RANBP2: variants seen among roughly 807,000 people sequenced by gnomAD.
The protein encoded by RANBP2 is RAN binding protein 2.
A neutral mutation model predicts 303.6 loss-of-function variants in RANBP2; 57 were observed. The observed-to-expected ratio is 0.19, with a 90% CI of 0.15 to 0.23. The LOEUF is 0.23. Among genes scored for constraint, RANBP2 ranks in the 10% least tolerant of loss-of-function variants. The probability of loss-of-function intolerance (pLI) is 1.00; values close to 1 mark genes in which losing one functional copy is unlikely to be tolerated. For synonymous variants in RANBP2, 1,167 were observed against 1,301.5 expected, an observed-to-expected ratio of 0.90 and a Z score of 2.23; for missense variants, 3,138 against 3,780.8, an observed-to-expected ratio of 0.83 and a Z score of 4.46.
chr2:108,910,505 T>C, the RANBP2 span: 1 of 1,613,908 alleles, frequency 6.2e-7, no homozygotes, highest in Non-Finnish European at 8.5e-7. Context: ...CTCAAATTCA[T>C]CCTTCTCGGA....
chr2:109,633,134 G>A, the RANBP2 span, among the ~76,000 whole-genome samples: 1 of 152,014 alleles, frequency 6.6e-6, no homozygotes, highest in African/African-American at 2.4e-5. Context: ...GCTCACACCT[G>A]TAATCCCAGA....
the RANBP2 span, among the ~76,000 whole-genome samples, chr2:109,549,842 T>C: frequency 1.3e-5 from 2 of 152,138 alleles, no homozygotes; most frequent in African/African-American, 4.8e-5. Context: ...TAATAAAAGT[T>C]GTGTGAATGT....
chr2:108,888,425 A>G, the RANBP2 span, among the ~76,000 whole-genome samples: 1 of 152,038 alleles, frequency 6.6e-6, no homozygotes, highest in African/African-American at 2.4e-5. Flanking sequence ...ATTTTTTGGA[A>G]TAGTTTCAGG....
chr2:109,512,415 C>A, the RANBP2 span, among the ~76,000 whole-genome samples: 1 of 152,142 alleles, frequency 6.6e-6, no homozygotes, highest in African/African-American at 2.4e-5. Context: ...CCCTCCTGCC[C>A]CCTCCTGAGT....
At chr2:109,348,440 GCCAC>G in the RANBP2 span, among the ~76,000 whole-genome samples, 1 of 152,218 alleles carries the variant, frequency 6.6e-6, no homozygotes, top group Non-Finnish European at 1.5e-5. Context: ...CTGAGGCAGG[GCCAC>G]CCTGGTGCGT....
the RANBP2 span, among the ~76,000 whole-genome samples, chr2:109,355,444 T>G: frequency 6.6e-6 from 1 of 152,196 alleles, no homozygotes; most frequent in South Asian, 2.1e-4. Flanking sequence ...GTAAATAAAG[T>G]TTTATTGGTA....
the RANBP2 span, among the ~76,000 whole-genome samples, chr2:108,939,178 TTTG>T: frequency 0.015 from 2,266 of 152,006 alleles, 28 homozygotes; most frequent in South Asian, 0.03. Flanking sequence ...CATCCTTCCA[TTTG>T]TTGTTGTTGT....
chr2:109,215,510 G>A, the RANBP2 span, among the ~76,000 whole-genome samples: 1 of 152,124 alleles, frequency 6.6e-6, no homozygotes, highest in Non-Finnish European at 1.5e-5. Flanking sequence ...TCAGCAGTGT[G>A]TACTCGGAGT....
chr2:108,918,460 TGTA>T, the RANBP2 span, among the ~76,000 whole-genome samples: 1 of 152,242 alleles, frequency 6.6e-6, no homozygotes, highest in African/African-American at 2.4e-5. Context: ...CATCTCCCCT[TGTA>T]CACTTCCGTG....
At chr2:108,834,823 T>C in the RANBP2 span, among the ~76,000 whole-genome samples, 1 of 152,256 alleles carries the variant, frequency 6.6e-6, no homozygotes. Flanking sequence ...TTGCATATTC[T>C]AAGTATCTCA....
the RANBP2 span, among the ~76,000 whole-genome samples, chr2:109,268,870 A>G: frequency 6.6e-6 from 1 of 152,222 alleles, no homozygotes; most frequent in Non-Finnish European, 1.5e-5. Flanking sequence ...AATGAATTTC[A>G]GACCTAATGA....
At chr2:108,835,781 T>C in the RANBP2 span, among the ~76,000 whole-genome samples, 1 of 152,248 alleles carries the variant, frequency 6.6e-6, no homozygotes, top group Non-Finnish European at 1.5e-5. Context: ...CAATTGTCTC[T>C]GTTTTGTGCT....
chr2:109,486,758 G>T, the RANBP2 span, among the ~76,000 whole-genome samples: 3 of 152,294 alleles, frequency 2.0e-5, no homozygotes, highest in Non-Finnish European at 2.9e-5. Flanking sequence ...CAGGCTGAGG[G>T]CACTGGGTGG....
the RANBP2 span, among the ~76,000 whole-genome samples, chr2:109,566,773 G>A: frequency 6.6e-6 from 1 of 152,084 alleles, no homozygotes; most frequent in African/African-American, 2.4e-5. Flanking sequence ...AAAAGATTCT[G>A]AACAAAATGC....
the RANBP2 span, among the ~76,000 whole-genome samples, chr2:108,793,616 A>G: frequency 2.0e-5 from 3 of 149,086 alleles, no homozygotes; most frequent in Non-Finnish European, 3.0e-5. Context: ...TTTTTTTTTG[A>G]GATGGAGTCT....
the RANBP2 span, among the ~76,000 whole-genome samples, chr2:109,095,223 G>A: frequency 1.3e-5 from 2 of 152,174 alleles, no homozygotes; most frequent in African/African-American, 4.8e-5. Context: ...CTGATAGCCT[G>A]GGCTCCACCC....
At chr2:108,988,513 C>T in the RANBP2 span, among the ~76,000 whole-genome samples, 2 of 152,196 alleles carry the variant, frequency 1.3e-5, no homozygotes, top group African/African-American at 4.8e-5. Flanking sequence ...GGAAACCCCA[C>T]TTGGAAGGTC....
the RANBP2 span, among the ~76,000 whole-genome samples, chr2:109,456,611 A>C: frequency 2.6e-5 from 4 of 152,182 alleles, no homozygotes; most frequent in Non-Finnish European, 5.9e-5. Flanking sequence ...CCAGGACAGC[A>C]AGTGAAGCTG....
At position 108,763,297 on chromosome 2, in the gene RANBP2, C is replaced by G. The variant is rs1676868919; in HGVS notation, c.2758C>G (p.Gln920Glu). 1.2e-6 allele frequency: 2 copies of G among 1,613,830 alleles called. No individual in the cohort carries two copies. Among genetic ancestry groups the G allele is most frequent in the Non-Finnish European group, 1.7e-6 (2 of 1,179,966 alleles). Reference protein sequence around the residue: ...PQQHIYAYPQQMHTPPVQSSS... With the variant: ...PQQHIYAYPQEMHTPPVQSSS... The stretch of plus-strand genomic sequence containing the variant: ...ACAGCATATTTATGCCTATCCGCAA[C>G]AGATGCACACACCGCCAGTGCAAAG... The change falls in exon 20 of 29, where the codon CAG becomes GAG. Residue 920 changes from glutamine to glutamate, a missense_variant. Coordinates refer to ENST00000283195, the MANE Select transcript of RANBP2 (RefSeq NM_006267.5).
Sources: gnomAD v4.1 joint callset for allele counts (sites outside exome capture counted in the v4.1 genomes callset) on GRCh38, gnomAD v4.1.1 for gene constraint, MANE v1.5 for transcripts, NCBI Gene and HGNC (gene_info 2026-07-23, HGNC 2026-07-21) for gene names.